Variants in SBF2 observed in about 807,000 individuals in gnomAD.
SBF2 encodes myotubularin-related protein 13.
SBF2 carries 112 observed loss-of-function variants against 225.2 expected under a neutral mutation model. That is an observed-to-expected ratio of 0.50 (90% CI 0.43 to 0.58). The LOEUF (loss-of-function observed/expected upper bound fraction) is 0.58. SBF2 is among the 20% of genes least tolerant of loss of function. The probability of loss-of-function intolerance (pLI) is 0.00; values close to 1 mark genes in which losing one functional copy is unlikely to be tolerated. For synonymous variants in SBF2, 763 were observed against 773.3 expected (o/e 0.99, Z 0.22); for missense variants, 1,996 against 2,206.2 (o/e 0.90, Z 1.91).
At chr11:10,190,285 T>C (rs887542447) in intron 2 of SBF2, among the ~76,000 whole-genome samples, 2 of 152,214 alleles carry the variant, frequency 1.3e-5, no homozygotes, top group African/African-American at 4.8e-5. Context: ...AACCATAGAA[T>C]GCCTCTGAAA....
Position 10,215,323 on chromosome 11 carries a change from T to G in SBF2, c.56-21336A>C, listed in dbSNP as rs373770241. ...CTGAAAGCTATGTTTTTCACTGTCA[T>G]CTTAAAAATTGGTATTCTCCAAGAG... On this transcript the variant is annotated intron_variant, in intron 1 of 39. Transcript: ENST00000256190. Among the ~76,000 whole-genome samples the G allele has an allele frequency of 1.2e-4, 19 of 152,318 alleles. No individual in the cohort carries two copies. The East Asian group carries it at 2.1e-3, about 17-fold the overall frequency.
chr11:10,134,745 T>G (rs1954265519), intron 2 of SBF2, among the ~76,000 whole-genome samples: 1 of 152,214 alleles, frequency 6.6e-6, no homozygotes. Flanking sequence ...CTGTATGGTC[T>G]TGGGCAGCTC....
chr11:9,940,729 T>G (rs1865204412), intron 16 of SBF2, among the ~76,000 whole-genome samples: 1 of 152,130 alleles, frequency 6.6e-6, no homozygotes, highest in Admixed American at 6.5e-5. Context: ...TACTAAGGAC[T>G]CATTGTGAAC....
chr11:9,853,560 C>T lies in SBF2; in HGVS notation c.2516G>A (p.Ser839Asn). The change falls in exon 20 of 40, where the codon AGC (serine) becomes AAC (asparagine). Residue 839 changes from serine (S) to asparagine (N), a missense_variant. Transcript: ENST00000256190. Reference protein sequence around the residue: ...ESGVTQDHIKSLHCMIPGIVA... With the variant: ...ESGVTQDHIKNLHCMIPGIVA... ...ATTACCTGGTATCATGCAATGAAGG[C>T]TCTTGATGTGATCCTGAGTAACTCC... 6.2e-7 allele frequency: 1 copy of T among 1,613,952 alleles called. No individual in the cohort carries two copies. The highest frequency in any genetic ancestry group is 8.5e-7 in the Non-Finnish European group (1 of 1,179,892).
intron 2 of SBF2, among the ~76,000 whole-genome samples, chr11:10,172,377 G>A (rs1956234285): frequency 6.6e-6 from 1 of 151,930 alleles, no homozygotes; most frequent in Non-Finnish European, 1.5e-5. Flanking sequence ...TTTTGAGAAG[G>A]AGTCTTGCTC....
At chr11:10,224,634 T>G (rs1323755256) in intron 1 of SBF2, among the ~76,000 whole-genome samples, 3 of 152,096 alleles carry the variant, frequency 2.0e-5, no homozygotes, top group Admixed American at 2.0e-4. Flanking sequence ...TAATAGGCTG[T>G]CCCCTCAAAC....
intron 2 of SBF2, among the ~76,000 whole-genome samples, chr11:10,174,554 T>C (rs1268989218): frequency 1.3e-5 from 2 of 152,130 alleles, no homozygotes; most frequent in Non-Finnish European, 2.9e-5. Context: ...CTGAAAGTGA[T>C]GGGGAGAATG....
At chr11:10,301,709 T>A (rs1964600158) in intron 1 of SBF2, among the ~76,000 whole-genome samples, 2 of 152,222 alleles carry the variant, frequency 1.3e-5, no homozygotes, top group South Asian at 4.1e-4. Flanking sequence ...TTAAGAACTG[T>A]GTCCACAGTG....
rs1857321999 is a variant in SBF2 at position 9,856,487 on chromosome 11, C to A, written c.2334G>T (p.Glu778Asp). The change falls in exon 19 of 40, where the codon GAG becomes GAT. Residue 778 changes from glutamate (E) to aspartate (D), a missense_variant. Transcript: ENST00000256190. ...TTGTGACAATGCTGTTGCTTCCGCT[C>A]TCCCAGTCACCTGGCGCTGATGTTC... is the stretch of plus-strand genomic sequence containing the variant. ...LLRTSAPGDW[E>D]SGSNSIVTNS... The A allele has an allele frequency of 6.2e-7, 1 of 1,614,164 alleles. No homozygotes were observed. The highest frequency in any genetic ancestry group is 2.2e-5 in the East Asian group (1 of 44,888).
intron 2 of SBF2, among the ~76,000 whole-genome samples, chr11:10,161,857 T>G (rs963121692): frequency 6.6e-6 from 1 of 151,600 alleles, no homozygotes; most frequent in Non-Finnish European, 1.5e-5. Context: ...TGGTGGCACA[T>G]ATCTCTAGTC....
intron 2 of SBF2, among the ~76,000 whole-genome samples, chr11:10,121,316 T>C (rs927224034): frequency 2.6e-5 from 4 of 152,240 alleles, no homozygotes; most frequent in Non-Finnish European, 5.9e-5. Context: ...TAAGACAGCC[T>C]GCTTCTGTCT....
chr11:10,203,606 G>A (rs2135361279), intron 1 of SBF2, among the ~76,000 whole-genome samples: 1 of 152,190 alleles, frequency 6.6e-6, no homozygotes. Flanking sequence ...AAAAGAAGCA[G>A]AAAAGTATGG....
At chr11:10,216,707 T>G (rs1023086031) in intron 1 of SBF2, among the ~76,000 whole-genome samples, 2 of 152,058 alleles carry the variant, frequency 1.3e-5, no homozygotes, top group Non-Finnish European at 2.9e-5. Context: ...CTGTCTCTAA[T>G]AAAAATACAA....
chr11:10,194,819 G>GT (rs1251510692), intron 1 of SBF2, among the ~76,000 whole-genome samples: 1 of 152,118 alleles, frequency 6.6e-6, no homozygotes, highest in African/African-American at 2.4e-5. Context: ...CCATTATTCT[G>GT]TAAGACTGAC....
chr11:10,230,833 T>C (rs1958809481), intron 1 of SBF2, among the ~76,000 whole-genome samples: 2 of 152,204 alleles, frequency 1.3e-5, no homozygotes. Flanking sequence ...GTTCTCTGTA[T>C]TTCCTGAATT....
chr11:10,156,713 G>A (rs1032728537), intron 2 of SBF2, among the ~76,000 whole-genome samples: 1 of 152,198 alleles, frequency 6.6e-6, no homozygotes, highest in African/African-American at 2.4e-5. Context: ...GCTAACCAGA[G>A]AGGTAAAGGA....
intron 1 of SBF2, among the ~76,000 whole-genome samples, chr11:10,257,949 T>G (rs907887702): frequency 7.2e-5 from 11 of 152,084 alleles, no homozygotes; most frequent in African/African-American, 2.4e-4. Context: ...AGAGCAAGAC[T>G]GTCTCAAAAA....
intron 16 of SBF2, among the ~76,000 whole-genome samples, chr11:9,925,739 C>A (rs1565012194): frequency 6.6e-6 from 1 of 152,140 alleles, no homozygotes; most frequent in Non-Finnish European, 1.5e-5. Context: ...GACTACAATA[C>A]CCTTAAAATA....
At chr11:10,203,349 A>G (rs1957634344) in intron 1 of SBF2, among the ~76,000 whole-genome samples, 1 of 152,214 alleles carries the variant, frequency 6.6e-6, no homozygotes, top group African/African-American at 2.4e-5. Context: ...ATAATTCACT[A>G]GGCATCAGGC....
Sources: allele counts gnomAD v4.1 joint callset (sites outside exome capture counted in the v4.1 genomes callset), GRCh38; gene constraint gnomAD v4.1.1; transcripts MANE v1.5; gene names NCBI Gene and HGNC (gene_info 2026-07-23, HGNC 2026-07-21).